Variants in TDRD3 observed in about 807,000 individuals in gnomAD.
The protein encoded by TDRD3 is tudor domain containing 3.
In TDRD3, 45 loss-of-function variants were observed where a neutral mutation model predicts 86.7. The ratio of observed to expected loss-of-function variants is 0.52; its 90% CI spans 0.41 to 0.67. The LOEUF (loss-of-function observed/expected upper bound fraction) is 0.67. TDRD3 is among the 30% of genes least tolerant of loss of function. TDRD3 has a pLI of 0.00. For missense variants in TDRD3, 814 were observed against 889.0 expected (o/e 0.92, Z 1.07); for synonymous variants, 298 against 301.7 (o/e 0.99, Z 0.13).
At chr13:60,481,776 C>T (rs962612336) in intron 5 of TDRD3, among the ~76,000 whole-genome samples, 1 of 152,138 alleles carries the variant, frequency 6.6e-6, no homozygotes, top group Non-Finnish European at 1.5e-5. Flanking sequence ...TCTGTCTTGA[C>T]ATGCCTTGTA....
intron 10 of TDRD3, among the ~76,000 whole-genome samples, chr13:60,523,689 A>G (rs554551086): frequency 6.8e-6 from 1 of 147,554 alleles, no homozygotes; most frequent in African/African-American, 2.5e-5. Context: ...CAATTCGCCT[A>G]CCTCAGCCTC....
chr13:60,510,029 A>G (rs1429195123), intron 9 of TDRD3, 110 bp downstream of exon 9: 6 of 1,324,398 alleles, frequency 4.5e-6, no homozygotes, highest in South Asian at 1.5e-5. Context: ...GTTTAACATT[A>G]TGGTAAGTGG....
In TDRD3 at chr13:60,460,546, TG is replaced by T; in HGVS notation, c.353+8del. ...AGTTATATGTCAAAAATAAGGTGAT[TG>T]GCACTTTATTTTGTGTATTTGTTAC... On this transcript the variant is annotated splice_region_variant and intron_variant, in intron 4 of 13. Coordinates refer to ENST00000377881, the MANE Select transcript of TDRD3 (RefSeq NM_001146070.2). The T allele has an allele frequency of 6.5e-7, 1 of 1,531,342 alleles. No individual in the cohort carries two copies. The highest frequency in any genetic ancestry group is 2.5e-5 in the Admixed American group (1 of 39,352). The allele number at this position is 1,531,342 out of a possible 1,614,324, so 94.9% of individuals were successfully genotyped here.
In TDRD3 at chr13:60,442,324, C is replaced by T. The variant is rs9570304; in HGVS notation, c.127-2359C>T. On this transcript the variant is annotated intron_variant, in intron 2 of 13. Coordinates refer to ENST00000377881, the MANE Select transcript of TDRD3 (RefSeq NM_001146070.2). ...AGATTTTGTATAATATAAAATGATT[C>T]ACCAAGTAGATATTATCTTGCATTT... Among the ~76,000 whole-genome samples, 187 of 151,892 alleles carry T rather than the reference C, an allele frequency of 1.2e-3. 1 individual carries two copies. The East Asian group carries it at 0.031, about 25-fold the overall frequency.
chr13:60,547,147 T>C (rs1957956930), intron 12 of TDRD3: 1 of 434,596 alleles, frequency 2.3e-6, no homozygotes, highest in Admixed American at 6.4e-5. Flanking sequence ...AGAATTACTA[T>C]ACTTTGAGGT....
intron 12 of TDRD3, among the ~76,000 whole-genome samples, chr13:60,565,477 T>C (rs1419115897): frequency 6.6e-6 from 1 of 152,232 alleles, no homozygotes; most frequent in Non-Finnish European, 1.5e-5. Flanking sequence ...TTTACTTGGA[T>C]CTGGTTAGTT....
At chr13:60,510,551 A>G in intron 9 of TDRD3, 79 bp from the exon 10 acceptor site, 1 of 1,269,772 alleles carries the variant, frequency 7.9e-7, no homozygotes. Context: ...ATTTAAAATT[A>G]TTGTTGGTTA....
chr13:60,490,076 G>C (rs1258341380), intron 7 of TDRD3, among the ~76,000 whole-genome samples: 4 of 99,232 alleles, frequency 4.0e-5, no homozygotes, highest in South Asian at 3.3e-4. Context: ...TTTTTTTACA[G>C]CAGACATCAA....
chr13:60,481,688 A>G (rs1956321578), intron 5 of TDRD3, among the ~76,000 whole-genome samples: 1 of 151,846 alleles, frequency 6.6e-6, no homozygotes, highest in African/African-American at 2.4e-5. Flanking sequence ...TTAACGCCCT[A>G]TTTATTAGTT....
rs181383026 is a variant in TDRD3, at chr13:60,515,129, G to C, written c.1141+4374G>C. Among the ~76,000 whole-genome samples, 358 of 152,224 alleles carry C rather than the reference G, an allele frequency of 2.4e-3. 4 individuals carry two copies. The highest frequency in any genetic ancestry group is 4.0e-3 in the Non-Finnish European group (272 of 67,994). ...TTAATGTAAAACAAAACAGTACTGAGCAAAATATAAGTGCTTAGCAGAAGT... is the reference window on the plus strand; with the variant it reads ...TTAATGTAAAACAAAACAGTACTGACCAAAATATAAGTGCTTAGCAGAAGT... On this transcript the variant is annotated intron_variant, in intron 10 of 13. Transcript: ENST00000377881.
intron 2 of TDRD3, among the ~76,000 whole-genome samples, chr13:60,442,656 T>A (rs1356310718): frequency 6.6e-6 from 1 of 152,142 alleles, no homozygotes; most frequent in Non-Finnish European, 1.5e-5. Context: ...AACATTTGTA[T>A]ATTTAAGGAC....
chr13:60,548,119 A>G (rs1325995098), intron 12 of TDRD3, among the ~76,000 whole-genome samples: 1 of 152,216 alleles, frequency 6.6e-6, no homozygotes, highest in Non-Finnish European at 1.5e-5. Flanking sequence ...GGTCTCACTG[A>G]AAGCTTAACC....
chr13:60,415,297 T>A (rs1183663258), intron 1 of TDRD3, among the ~76,000 whole-genome samples: 1 of 152,124 alleles, frequency 6.6e-6, no homozygotes, highest in Non-Finnish European at 1.5e-5. Flanking sequence ...CTGTGGACAT[T>A]CATATCAACC....
At chr13:60,539,729 T>C (rs181834850) in intron 12 of TDRD3, among the ~76,000 whole-genome samples, 18 of 151,920 alleles carry the variant, frequency 1.2e-4, no homozygotes, top group African/African-American at 4.1e-4. Flanking sequence ...TCAAATAATA[T>C]TAATAAGCTA....
In TDRD3 at chr13:60,489,152, C is replaced by A. The variant is rs564046689; in HGVS notation, c.717+3204C>A. On this transcript the variant is annotated intron_variant, in intron 7 of 13. Transcript: ENST00000377881. ...CCAGACCAACATCCTGAACAACAAACCCCTCTCTCTTATATTATTGATAGC... is the reference window on the plus strand; with the variant it reads ...CCAGACCAACATCCTGAACAACAAAACCCTCTCTCTTATATTATTGATAGC... 2.6e-5 allele frequency among the ~76,000 whole-genome samples: 4 copies of A among 152,172 alleles called. No individual in the cohort carries two copies. In the South Asian group the frequency reaches 8.3e-4, roughly 32 times the overall value.
chr13:60,445,771 A>G (rs1218586055), intron 3 of TDRD3, among the ~76,000 whole-genome samples: 1 of 152,208 alleles, frequency 6.6e-6, no homozygotes, highest in Non-Finnish European at 1.5e-5. Flanking sequence ...AAAAGTAAAT[A>G]ATATCAAAGC....
chr13:60,418,492 C>T (rs556513645), intron 1 of TDRD3, among the ~76,000 whole-genome samples: 1 of 152,142 alleles, frequency 6.6e-6, no homozygotes, highest in Admixed American at 6.5e-5. Flanking sequence ...GTTTTTTCAT[C>T]TTTGAATTCT....
chr13:60,465,354 G>C (rs1392492668), intron 4 of TDRD3, among the ~76,000 whole-genome samples: 3 of 152,116 alleles, frequency 2.0e-5, no homozygotes, highest in African/African-American at 7.2e-5. Flanking sequence ...AATTGGGAAC[G>C]CTTCTTCACT....
chr13:60,419,795 A>T (rs1251293146), intron 1 of TDRD3, among the ~76,000 whole-genome samples: 1 of 152,126 alleles, frequency 6.6e-6, no homozygotes, highest in Non-Finnish European at 1.5e-5. Flanking sequence ...AACTTAAAGT[A>T]AAATAAAAAA....
Sources: allele counts gnomAD v4.1 joint callset (sites outside exome capture counted in the v4.1 genomes callset), GRCh38; gene constraint gnomAD v4.1.1; transcripts MANE v1.5; gene names NCBI Gene and HGNC (gene_info 2026-07-23, HGNC 2026-07-21).